JAKMIP1: variants seen among roughly 807,000 people sequenced by gnomAD.
The protein encoded by JAKMIP1 is janus kinase and microtubule interacting protein 1.
In JAKMIP1, 33 loss-of-function variants were observed where a neutral mutation model predicts 113.0. The observed-to-expected ratio is 0.29, with a 90% CI of 0.22 to 0.39. The LOEUF is 0.39. JAKMIP1 is among the 10% of genes least tolerant of loss of function. The probability of loss-of-function intolerance (pLI) is 1.00; values close to 1 mark genes in which losing one functional copy is unlikely to be tolerated. For synonymous variants in JAKMIP1, 480 were observed against 459.9 expected (o/e 1.04, Z -0.56); for missense variants, 813 against 1,080.5 (o/e 0.75, Z 3.47).
At chr4:6,027,696 C>T (rs1712047812) in intron 20 of JAKMIP1, among the ~76,000 whole-genome samples, 1 of 152,158 alleles carries the variant, frequency 6.6e-6, no homozygotes, top group East Asian at 1.9e-4. Context: ...CAGACCAGTC[C>T]CCAAACATAG....
At position 6,194,008 on chromosome 4, in the gene JAKMIP1, G is replaced by T. The variant is rs531315068; in HGVS notation, c.-148+6245C>A. Among the ~76,000 whole-genome samples the T allele has an allele frequency of 6.6e-6, 1 of 152,242 alleles. No homozygotes were observed. The highest frequency in any genetic ancestry group is 2.1e-4 in the South Asian group (1 of 4,824). On this transcript the variant is annotated intron_variant, in intron 1 of 20. Transcript: ENST00000409021. The surrounding 1 kb of genome is among the most constrained non-coding windows in gnomAD (Gnocchi z 7.4). The stretch of plus-strand genomic sequence containing the variant: ...ACTTGATGACACTTGCTATAACATG[G>T]GTGAACCCTGAAAATATCAGGCTAA...
rs1719035819 is a variant in JAKMIP1 at position 6,135,064 on chromosome 4, G to A, written c.-147-22067C>T. 6.6e-6 allele frequency among the ~76,000 whole-genome samples: 1 copy of A among 152,044 alleles called. No individual in the cohort carries two copies. Among genetic ancestry groups the A allele is most frequent in the Admixed American group, 6.6e-5 (1 of 15,262 alleles). On this transcript the variant is annotated intron_variant, in intron 1 of 20. Coordinates refer to ENST00000409021, the MANE Select transcript of JAKMIP1 (RefSeq NM_001099433.2). The surrounding 1 kb of genome is among the most constrained non-coding windows in gnomAD (Gnocchi z 4.9). ...GTGTATCTCTGGTCTGGTATCGTTG[G>A]GGCAGAGCTGCTCAGTCTCCATGGG...
At chr4:6,101,296 T>C (rs1712986579) in intron 3 of JAKMIP1, among the ~76,000 whole-genome samples, 3 of 152,136 alleles carry the variant, frequency 2.0e-5, no homozygotes, top group Admixed American at 2.0e-4. Flanking sequence ...TTTCCTGTTT[T>C]TTTTTCTTAC....
intron 1 of JAKMIP1, 111 bp from the exon 2 acceptor site, chr4:6,113,108 A>C: frequency 4.1e-6 from 2 of 489,588 alleles, no homozygotes; most frequent in Non-Finnish European, 7.2e-6. Context: ...ATGACCTGCC[A>C]CTCCCAGACT....
rs1429216443 is a variant in JAKMIP1 at position 6,108,633 on chromosome 4, C to T, written c.130-2666G>A. On this transcript the variant is annotated intron_variant, in intron 2 of 20. Transcript: ENST00000409021. This position sits in a 1 kb window ranked among gnomAD's most constrained non-coding sequence, Gnocchi z 5.6. ...ACTTCCCCCTTGCCCAAGCCACCTG[C>T]AGCAGCCCTCCCCGCCACACCCTCC... Among the ~76,000 whole-genome samples the T allele has an allele frequency of 3.3e-5, 5 of 152,128 alleles. No homozygotes were observed. The highest frequency in any genetic ancestry group is 7.4e-5 in the Non-Finnish European group (5 of 68,018).
intron 1 of JAKMIP1, among the ~76,000 whole-genome samples, chr4:6,174,258 C>T (rs545603330): frequency 3.3e-5 from 5 of 152,278 alleles, no homozygotes; most frequent in African/African-American, 1.2e-4. Flanking sequence ...AGGATGCAGC[C>T]AGGTCTCCGT....
chr4:6,115,051 C>T (rs951145360), intron 1 of JAKMIP1, among the ~76,000 whole-genome samples: 4 of 152,222 alleles, frequency 2.6e-5, no homozygotes, highest in Admixed American at 6.5e-5. Flanking sequence ...TAAATGATGT[C>T]TAAGCCCCGA....
intron 8 of JAKMIP1, among the ~76,000 whole-genome samples, chr4:6,071,339 C>A (rs549094349): frequency 6.6e-6 from 1 of 152,138 alleles, no homozygotes; most frequent in East Asian, 1.9e-4. Context: ...CCAGGCAGTG[C>A]AGACTTGAGA....
chr4:6,174,145 A>ATAT (rs987473537), intron 1 of JAKMIP1, among the ~76,000 whole-genome samples: 9 of 152,192 alleles, frequency 5.9e-5, no homozygotes, highest in Non-Finnish European at 1.3e-4. Context: ...TCCTACTCGA[A>ATAT]CATCACCAAT....
Position 6,176,237 on chromosome 4 carries a change from G to A in JAKMIP1, c.-148+24016C>T, listed in dbSNP as rs990780471. On this transcript the variant is annotated intron_variant, in intron 1 of 20. Transcript: ENST00000409021. The surrounding 1 kb of genome is among the most constrained non-coding windows in gnomAD (Gnocchi z 5.5). ...AAAAGGACAGATCACCCCCTCATAC[G>A]TTTCAGACCAGCTGCTCCAGAGTCA... 6.6e-6 allele frequency among the ~76,000 whole-genome samples: 1 copy of A among 152,168 alleles called. No homozygotes were observed. Among genetic ancestry groups the A allele is most frequent in the Non-Finnish European group, 1.5e-5 (1 of 68,030 alleles).
At chr4:6,103,090 T>C (rs1029831208) in intron 3 of JAKMIP1, among the ~76,000 whole-genome samples, 1 of 152,196 alleles carries the variant, frequency 6.6e-6, no homozygotes, top group Admixed American at 6.5e-5. Context: ...TGTTTTGACC[T>C]TGAACTTGGG....
rs1450641881 is a variant in JAKMIP1, at chr4:6,199,365, G to A, written c.-148+888C>T. On this transcript the variant is annotated intron_variant, in intron 1 of 20. Coordinates refer to ENST00000409021, the MANE Select transcript of JAKMIP1 (RefSeq NM_001099433.2). This position sits in a 1 kb window ranked among gnomAD's most constrained non-coding sequence, Gnocchi z 5.6. ...CCAGCCTCGTAAGCGGCCTCTATCT[G>A]GGCTGCCCAGGCCGGATGCTCAGGA... is the stretch of plus-strand genomic sequence containing the variant. 6.6e-6 allele frequency among the ~76,000 whole-genome samples: 1 copy of A among 152,192 alleles called. No individual in the cohort carries two copies. Among genetic ancestry groups the A allele is most frequent in the East Asian group, 1.9e-4 (1 of 5,176 alleles).
chr4:6,078,397 CTA>C (rs1263881515), intron 8 of JAKMIP1, among the ~76,000 whole-genome samples: 5 of 137,172 alleles, frequency 3.6e-5, no homozygotes. Context: ...TAAAGGCAAA[CTA>C]TGCTTTTTTT....
chr4:6,053,711 A>T, intron 13 of JAKMIP1: 1 of 1,048,590 alleles, frequency 9.5e-7, no homozygotes, highest in Non-Finnish European at 1.2e-6. Context: ...CGCATGCAGG[A>T]AAGAAGTAGT....
rs906497482 is a variant in JAKMIP1 at position 6,042,356 on chromosome 4, C to G, written c.2029-129G>C. The G allele has an allele frequency of 1.4e-6, 1 of 725,330 alleles. No individual in the cohort carries two copies. The highest frequency in any genetic ancestry group is 2.4e-6 in the Non-Finnish European group (1 of 410,848). The allele number at this position is 725,330 out of a possible 1,614,324, so 44.9% of individuals were successfully genotyped here. ...GAGTGTGCTCAGGAATGGGTCAGGTCATGGCACACACATGCCTGATCTGTG... is the reference window on the plus strand; with the variant it reads ...GAGTGTGCTCAGGAATGGGTCAGGTGATGGCACACACATGCCTGATCTGTG... On this transcript the variant is annotated intron_variant, in intron 16 of 20. Coordinates refer to ENST00000409021, the MANE Select transcript of JAKMIP1 (RefSeq NM_001099433.2). The surrounding 1 kb of genome is among the most constrained non-coding windows in gnomAD (Gnocchi z 5.2).
chr4:6,096,238 G>A (rs566507097), intron 3 of JAKMIP1, among the ~76,000 whole-genome samples: 1 of 152,306 alleles, frequency 6.6e-6, no homozygotes, highest in East Asian at 1.9e-4. Context: ...GGGTATGATA[G>A]CATCCTGCTG....
intron 1 of JAKMIP1, among the ~76,000 whole-genome samples, chr4:6,113,802 T>TC (rs1349721484): frequency 6.6e-6 from 1 of 152,186 alleles, no homozygotes; most frequent in East Asian, 1.9e-4. Context: ...CTCATCTATG[T>TC]CCCCTACACG....
At chr4:6,128,613 T>G (rs771388224) in intron 1 of JAKMIP1, among the ~76,000 whole-genome samples, 7 of 152,158 alleles carry the variant, frequency 4.6e-5, no homozygotes, top group Non-Finnish European at 7.4e-5. Context: ...CCAGCCCGGA[T>G]GAGCAAACAC....
chr4:6,101,490 T>A (rs73198056), intron 3 of JAKMIP1, among the ~76,000 whole-genome samples: 26,733 of 152,074 alleles, frequency 0.18, 2,587 homozygotes, highest in Non-Finnish European at 0.21. Context: ...TTGTTATAGG[T>A]TGTATGAAAC....
Sources: allele counts gnomAD v4.1 joint callset (sites outside exome capture counted in the v4.1 genomes callset), GRCh38; gene constraint gnomAD v4.1.1; non-coding constraint Gnocchi (gnomAD v3.1); transcripts MANE v1.5; gene names NCBI Gene and HGNC (gene_info 2026-07-23, HGNC 2026-07-21).